The following SEZ6L variants were observed in gnomAD, a reference collection of about 807,000 sequenced individuals.
The protein encoded by SEZ6L is seizure 6-like protein.
SEZ6L carries 37 observed loss-of-function variants against 106.2 expected under a neutral mutation model. The ratio of observed to expected loss-of-function variants is 0.35; its 90% CI spans 0.27 to 0.46. SEZ6L has a LOEUF of 0.46. Among genes scored for constraint, SEZ6L ranks in the 20% least tolerant of loss-of-function variants. SEZ6L has a pLI of 1.00. For synonymous variants in SEZ6L, 541 were observed against 570.4 expected, an observed-to-expected ratio of 0.95 and a Z score of 0.73; for missense variants, 1,172 against 1,332.8, an observed-to-expected ratio of 0.88 and a Z score of 1.88.
intron 12 of SEZ6L, among the ~76,000 whole-genome samples, chr22:26,356,027 A>G (rs901590662): frequency 6.6e-6 from 1 of 152,150 alleles, no homozygotes; most frequent in African/African-American, 2.4e-5. Context: ...AGAAAATAAT[A>G]CCCTTTACCA....
At chr22:26,221,652 C>G (rs1182837680) in intron 1 of SEZ6L, among the ~76,000 whole-genome samples, 1 of 152,162 alleles carries the variant, frequency 6.6e-6, no homozygotes, top group Non-Finnish European at 1.5e-5. Context: ...GTCTCATCTA[C>G]TCAACAATAT....
intron 1 of SEZ6L, among the ~76,000 whole-genome samples, chr22:26,263,881 T>G (rs2080094812): frequency 6.6e-6 from 1 of 152,232 alleles, no homozygotes; most frequent in Non-Finnish European, 1.5e-5. Context: ...GTTCACCTTT[T>G]AGTCCCCACA....
At chr22:26,210,871 C>A (rs2078137622) in intron 1 of SEZ6L, among the ~76,000 whole-genome samples, 1 of 152,220 alleles carries the variant, frequency 6.6e-6, no homozygotes, top group Admixed American at 6.5e-5. Flanking sequence ...CATGGCAATT[C>A]CAATGTCAGG....
chr22:26,280,301 A>G (rs1290319369), intron 1 of SEZ6L, among the ~76,000 whole-genome samples: 1 of 152,190 alleles, frequency 6.6e-6, no homozygotes. Context: ...TGCATGTAAA[A>G]AAAGGTCTAT....
At chr22:26,351,356 T>G in intron 12 of SEZ6L, 113 bp downstream of exon 12, 1 of 816,098 alleles carries the variant, frequency 1.2e-6, no homozygotes, top group South Asian at 1.7e-5. Flanking sequence ...GACAGGGGCT[T>G]TTATTATCAT....
At chr22:26,200,410 G>C (rs1187149164) in intron 1 of SEZ6L, among the ~76,000 whole-genome samples, 1 of 152,160 alleles carries the variant, frequency 6.6e-6, no homozygotes, top group Non-Finnish European at 1.5e-5. Context: ...CTGCTTTCAA[G>C]GGGTGCACAG....
intron 1 of SEZ6L, among the ~76,000 whole-genome samples, chr22:26,288,170 C>T (rs1467723292): frequency 6.6e-6 from 1 of 152,184 alleles, no homozygotes; most frequent in Non-Finnish European, 1.5e-5. Flanking sequence ...CAAAGAGTCA[C>T]CATCTGCTGC....
chr22:26,274,162 G>C (rs604101), intron 1 of SEZ6L, among the ~76,000 whole-genome samples: 44,341 of 152,162 alleles, frequency 0.29, 7,231 homozygotes, highest in Non-Finnish European at 0.37. Context: ...AGTGACTAAA[G>C]TGATCTAAGC....
intron 3 of SEZ6L, 91 bp from the exon 4 acceptor site, chr22:26,296,797 G>A (rs1456910947): frequency 4.3e-6 from 5 of 1,171,078 alleles, no homozygotes; most frequent in Non-Finnish European, 5.8e-6. Flanking sequence ...CAGTACCTGG[G>A]CCACTTTTCA....
At chr22:26,266,028 G>A (rs1212154558) in intron 1 of SEZ6L, among the ~76,000 whole-genome samples, 1 of 152,176 alleles carries the variant, frequency 6.6e-6, no homozygotes, top group Admixed American at 6.5e-5. Flanking sequence ...CTGCCATCAT[G>A]GACATGAGCT....
intron 1 of SEZ6L, among the ~76,000 whole-genome samples, chr22:26,278,412 A>T (rs1432362006): frequency 6.6e-6 from 1 of 152,174 alleles, no homozygotes; most frequent in Non-Finnish European, 1.5e-5. Context: ...GGTGCCTGAT[A>T]GGTAAGTTTT....
chr22:26,334,832 T>C (rs1393068776), intron 9 of SEZ6L, among the ~76,000 whole-genome samples: 1 of 152,064 alleles, frequency 6.6e-6, no homozygotes, highest in Non-Finnish European at 1.5e-5. Flanking sequence ...TTGGGAAGCT[T>C]TGTGGTCCTA....
intron 9 of SEZ6L, among the ~76,000 whole-genome samples, chr22:26,336,956 T>C (rs1282181463): frequency 6.6e-6 from 1 of 152,132 alleles, no homozygotes; most frequent in African/African-American, 2.4e-5. Context: ...ATAGTGATGA[T>C]GGTGATGGTA....
chr22:26,332,960 C>CTTACT lies in SEZ6L; in HGVS notation c.2016-7473_2016-7469dup, dbSNP rs1215472678. ...TCCTTATCTGTATAATGGAGCAAGT[C>CTTACT]TTACTTTGTGAGGTTGTTTGAATGC... On this transcript the variant is annotated intron_variant, in intron 9 of 16. Transcript: ENST00000248933. 7.2e-5 allele frequency among the ~76,000 whole-genome samples: 11 copies of CTTACT among 152,210 alleles called. No individual in the cohort carries two copies. In the South Asian group the frequency reaches 8.3e-4, roughly 11 times the overall value.
chr22:26,234,917 A>T (rs2078912830), intron 1 of SEZ6L, among the ~76,000 whole-genome samples: 1 of 152,218 alleles, frequency 6.6e-6, no homozygotes. Context: ...TTGACAGATT[A>T]GTAGGAGTTC....
chr22:26,251,844 G>T (rs1306291140), intron 1 of SEZ6L, among the ~76,000 whole-genome samples: 2 of 152,148 alleles, frequency 1.3e-5, no homozygotes, highest in Non-Finnish European at 2.9e-5. Flanking sequence ...CAAAGGAGTG[G>T]TCCTGTGTGT....
intron 1 of SEZ6L, among the ~76,000 whole-genome samples, chr22:26,191,762 A>G (rs745358378): frequency 5.9e-5 from 9 of 152,210 alleles, no homozygotes; most frequent in Non-Finnish European, 1.3e-4. Context: ...AGTTGGAAAT[A>G]AGAAATAATT....
intron 9 of SEZ6L, among the ~76,000 whole-genome samples, chr22:26,326,014 C>A (rs887908184): frequency 6.6e-6 from 1 of 152,138 alleles, no homozygotes; most frequent in Non-Finnish European, 1.5e-5. Context: ...AATCCATACA[C>A]AGGTCCTACC....
chr22:26,356,660 TAATAATAATAA>T (rs2083445530), intron 12 of SEZ6L, among the ~76,000 whole-genome samples: 1 of 134,838 alleles, frequency 7.4e-6, no homozygotes, highest in Non-Finnish European at 1.5e-5. Context: ...ATAATAATAA[TAATAATAATAA>T]TAATAATAAT....
Sources: allele counts gnomAD v4.1 joint callset (sites outside exome capture counted in the v4.1 genomes callset), GRCh38; gene constraint gnomAD v4.1.1; transcripts MANE v1.5; gene names NCBI Gene and HGNC (gene_info 2026-07-23, HGNC 2026-07-21).